Variants in COL25A1 observed in about 807,000 individuals in gnomAD.
The protein encoded by COL25A1 is collagen type XXV alpha 1 chain, also known as collagen alpha-1(XXV) chain.
COL25A1 carries 103 observed loss-of-function variants against 128.4 expected under a neutral mutation model. That is an observed-to-expected ratio of 0.80 (90% CI 0.68 to 0.94). The LOEUF is 0.94. Ranked by LOEUF, COL25A1 falls within the 40% of genes least tolerant of loss-of-function variation. The pLI, the probability that COL25A1 is intolerant of heterozygous loss-of-function variation, is 0.00. For synonymous variants in COL25A1, 279 were observed against 277.2 expected, an observed-to-expected ratio of 1.01 and a Z score of -0.06; for missense variants, 745 against 840.0, an observed-to-expected ratio of 0.89 and a Z score of 1.40.
At chr4:109,285,545 T>C (rs531238465) in intron 3 of COL25A1, among the ~76,000 whole-genome samples, 3 of 152,306 alleles carry the variant, frequency 2.0e-5, no homozygotes, top group East Asian at 1.9e-4. Context: ...GACAACATTA[T>C]GACGAATAAT....
chr4:109,157,721 T>C (rs1245763993), intron 3 of COL25A1, among the ~76,000 whole-genome samples: 2 of 152,214 alleles, frequency 1.3e-5, no homozygotes, highest in Non-Finnish European at 2.9e-5. Context: ...AGGATTTTGA[T>C]AGGTTATTGG....
chr4:109,053,520 G>A (rs951032683), intron 3 of COL25A1, among the ~76,000 whole-genome samples: 1 of 152,092 alleles, frequency 6.6e-6, no homozygotes, highest in Non-Finnish European at 1.5e-5. Flanking sequence ...TCACATGATC[G>A]TGAGGGTGGG....
intron 3 of COL25A1, among the ~76,000 whole-genome samples, chr4:109,192,767 T>C (rs1775723500): frequency 6.6e-6 from 1 of 151,668 alleles, no homozygotes; most frequent in Non-Finnish European, 1.5e-5. Flanking sequence ...GGCAGGAGAA[T>C]GGCATGAACC....
At chr4:109,117,747 A>G (rs1229108697) in intron 3 of COL25A1, among the ~76,000 whole-genome samples, 1 of 151,962 alleles carries the variant, frequency 6.6e-6, no homozygotes, top group East Asian at 1.9e-4. Flanking sequence ...GCAATGATAC[A>G]AGAGATGGAA....
chr4:109,012,793 A>T (rs3108320), intron 5 of COL25A1, among the ~76,000 whole-genome samples: 1 of 151,900 alleles, frequency 6.6e-6, no homozygotes, highest in East Asian at 2.0e-4. Flanking sequence ...AGCCTCCCTG[A>T]CGGGTGCCGC....
intron 19 of COL25A1, among the ~76,000 whole-genome samples, chr4:108,880,623 T>C (rs952506355): frequency 1.3e-5 from 2 of 152,210 alleles, no homozygotes; most frequent in Non-Finnish European, 2.9e-5. Flanking sequence ...CATTTAATTT[T>C]CACAACAGCT....
chr4:109,066,321 A>C (rs905750825), intron 3 of COL25A1, among the ~76,000 whole-genome samples: 3 of 152,176 alleles, frequency 2.0e-5, no homozygotes, highest in Non-Finnish European at 2.9e-5. Context: ...GAAATGCCAC[A>C]CAAAATGGGT....
chr4:109,070,732 A>G (rs1387402081), intron 3 of COL25A1, among the ~76,000 whole-genome samples: 51 of 123,246 alleles, frequency 4.1e-4, no homozygotes, highest in African/African-American at 1.3e-3. Context: ...TCCCCTTCCT[A>G]TGTCCAAGTG....
chr4:109,097,327 G>A lies in COL25A1; in HGVS notation c.368-47148C>T, dbSNP rs536560182. Among the ~76,000 whole-genome samples, 8 of 151,910 alleles carry A rather than the reference G, an allele frequency of 5.3e-5. No individual in the cohort carries two copies. The South Asian group carries it at 8.3e-4, about 16-fold the overall frequency. On this transcript the variant is annotated intron_variant, in intron 3 of 37. Transcript: ENST00000399132. The stretch of plus-strand genomic sequence containing the variant: ...TTAATTAAAATTATGTTATCTGGCC[G>A]AGTATGGTGGCCTGTGCCTGTAATC...
chr4:109,096,308 A>T (rs1765395226), intron 3 of COL25A1, among the ~76,000 whole-genome samples: 1 of 152,328 alleles, frequency 6.6e-6, no homozygotes, highest in Non-Finnish European at 1.5e-5. Context: ...GACTGCATTT[A>T]TGATGTTGGT....
intron 3 of COL25A1, among the ~76,000 whole-genome samples, chr4:109,156,104 T>G (rs1049353736): frequency 1.3e-5 from 2 of 152,170 alleles, no homozygotes; most frequent in Non-Finnish European, 2.9e-5. Flanking sequence ...CTGCAGGAGC[T>G]CTAATTTGAC....
At chr4:109,156,353 C>A (rs1045891544) in intron 3 of COL25A1, among the ~76,000 whole-genome samples, 3 of 152,186 alleles carry the variant, frequency 2.0e-5, no homozygotes, top group Non-Finnish European at 4.4e-5. Flanking sequence ...TGATTTTTTT[C>A]CCCCAAAGCC....
At position 108,869,129 on chromosome 4, in the gene COL25A1, G is replaced by A; in HGVS notation, c.1042C>T (p.Pro348Ser). The change falls in exon 20 of 38, where the codon CCT becomes TCT. Residue 348 changes from proline (P) to serine (S), a missense_variant. Transcript: ENST00000399132. ...GIKGEPGFIG[P>S]QGEPGLPGLP... ...CCTGGTAAGCCTGGTTCTCCTTGAG[G>A]ACCAATGAAACCTGGTTCTCCCTTT... 1 of 1,546,650 alleles carries A rather than the reference G, an allele frequency of 6.5e-7. No homozygotes were observed. Among genetic ancestry groups the A allele is most frequent in the Non-Finnish European group, 8.7e-7 (1 of 1,152,206 alleles).
chr4:108,956,979 A>C (rs939810132), intron 8 of COL25A1, among the ~76,000 whole-genome samples: 2 of 152,202 alleles, frequency 1.3e-5, no homozygotes, highest in Admixed American at 1.3e-4. Context: ...TGAGGAGCTA[A>C]TAGTAACAGT....
chr4:108,849,513 A>T (rs1469391537), intron 26 of COL25A1, among the ~76,000 whole-genome samples: 1 of 152,234 alleles, frequency 6.6e-6, no homozygotes, highest in Non-Finnish European at 1.5e-5. Context: ...TAAACTGAAG[A>T]TGTTCATTAA....
At chr4:109,157,289 T>C (rs148999736) in intron 3 of COL25A1, among the ~76,000 whole-genome samples, 332 of 152,320 alleles carry the variant, frequency 2.2e-3, no homozygotes, top group African/African-American at 7.7e-3. Flanking sequence ...GATTGTCTCA[T>C]TGAAAAATTT....
chr4:108,817,273 G>C, intron 37 of COL25A1, 124 bp downstream of exon 37: 1 of 840,356 alleles, frequency 1.2e-6, no homozygotes, highest in Non-Finnish European at 1.9e-6. Flanking sequence ...CTGATCAAAA[G>C]ATATTCTGGA....
At chr4:108,818,814 C>T (rs1164797143) in intron 36 of COL25A1, among the ~76,000 whole-genome samples, 1 of 150,700 alleles carries the variant, frequency 6.6e-6, no homozygotes, top group Non-Finnish European at 1.5e-5. Flanking sequence ...TAGGTTGGGC[C>T]TTATTTATAG....
chr4:109,118,754 A>G (rs1767840426), intron 3 of COL25A1, among the ~76,000 whole-genome samples: 1 of 152,048 alleles, frequency 6.6e-6, no homozygotes. Context: ...AATTGCAAGA[A>G]GAAATATATT....
Sources: gnomAD v4.1 joint callset for allele counts (sites outside exome capture counted in the v4.1 genomes callset) on GRCh38, gnomAD v4.1.1 for gene constraint, MANE v1.5 for transcripts, NCBI Gene and HGNC (gene_info 2026-07-23, HGNC 2026-07-21) for gene names.